HLF: variants seen among roughly 807,000 people sequenced by gnomAD.
HLF encodes hepatic leukemia factor.
In HLF, 3 loss-of-function variants were observed where a neutral mutation model predicts 22.6. The observed-to-expected ratio is 0.13, with a 90% CI of 0.06 to 0.34. HLF has a LOEUF of 0.34. Ranked by LOEUF, HLF falls within the 10% of genes least tolerant of loss-of-function variation. The pLI is 1.00. For synonymous variants in HLF, 151 were observed against 151.8 expected, an observed-to-expected ratio of 0.99 and a Z score of 0.04; for missense variants, 299 against 389.2, an observed-to-expected ratio of 0.77 and a Z score of 1.95.
intron 2 of HLF, among the ~76,000 whole-genome samples, chr17:55,285,281 G>A (rs1373700935): frequency 6.6e-6 from 1 of 152,144 alleles, no homozygotes; most frequent in Non-Finnish European, 1.5e-5. Flanking sequence ...TGGATCCCAG[G>A]TATATCCAAA....
intron 2 of HLF, chr17:55,271,407 C>G (rs978010957): frequency 2.6e-5 from 4 of 152,178 alleles, no homozygotes; most frequent in African/African-American, 9.7e-5. Context: ...GTTAGTGCTT[C>G]TTGTTTGGTT....
At chr17:55,277,849 G>C (rs1354795036) in intron 2 of HLF, among the ~76,000 whole-genome samples, 2 of 152,152 alleles carry the variant, frequency 1.3e-5, no homozygotes, top group South Asian at 2.1e-4. Flanking sequence ...TGTCTGCTGG[G>C]GGAGAAACTA....
Position 55,320,526 on chromosome 17 carries a change from A to G in HLF, c.673-138A>G, listed in dbSNP as rs1297849858. On this transcript the variant is annotated intron_variant, in intron 3 of 3. Coordinates refer to ENST00000226067, the MANE Select transcript of HLF (RefSeq NM_002126.5). The surrounding 1 kb of genome is among the most constrained non-coding windows in gnomAD (Gnocchi z 4.2). Reference sequence around the variant, plus strand: ...ACACTCTCAGACATGCAGAAACTGTAAAGGAAGGAGACACAAGCTAAGAAA... The same window carrying G: ...ACACTCTCAGACATGCAGAAACTGTGAAGGAAGGAGACACAAGCTAAGAAA... 3 of 671,322 alleles carry G rather than the reference A, an allele frequency of 4.5e-6. No homozygotes were observed. The African/African-American group carries it at 5.5e-5, about 12-fold the overall frequency. The allele number at this position is 671,322 out of a possible 1,614,324, so 41.6% of individuals were successfully genotyped here. A position where few individuals can be genotyped will look rare whatever the true frequency, so the allele number is the denominator to read the frequency against.
At chr17:55,275,558 A>C (rs1391321313) in intron 2 of HLF, among the ~76,000 whole-genome samples, 1 of 152,250 alleles carries the variant, frequency 6.6e-6, no homozygotes, top group East Asian at 1.9e-4. Flanking sequence ...ATGGTGTTTC[A>C]GAAGGAGAAG....
At position 55,307,806 on chromosome 17, in the gene HLF, C is replaced by A. The variant is rs551276135; in HGVS notation, c.452-7421C>A. 2.1e-5 allele frequency among the ~76,000 whole-genome samples: 3 copies of A among 141,264 alleles called. No homozygotes were observed. In the East Asian group the frequency reaches 6.3e-4, roughly 30 times the overall value. The allele number at this position is 141,264 out of a possible 152,430, so 92.7% of individuals were successfully genotyped here. The stretch of plus-strand genomic sequence containing the variant: ...GCAATATCAAACAAATAAAAAAGAT[C>A]GTTTGGGATGGAGATAAATATTGTA... On this transcript the variant is annotated intron_variant, in intron 2 of 3. Transcript: ENST00000226067.
Position 55,267,842 on chromosome 17 carries a change from A to G in HLF, c.207A>G (p.Leu69=), listed in dbSNP as rs766159669. ...AGTCGGCATTCCTGGGGCCTACCTT[A>G]TGGGACAAAACCCTTCCCTATGACG... is the stretch of plus-strand genomic sequence containing the variant. The part of the protein sequence containing the change: ...VPQSAFLGPT[L]WDKTLPYDGD... Residue 69 remains leucine (L), a synonymous_variant, in exon 2 of 4, where the codon TTA becomes TTG. Coordinates refer to ENST00000226067, the MANE Select transcript of HLF (RefSeq NM_002126.5). 1 of 1,614,068 alleles carries G rather than the reference A, an allele frequency of 6.2e-7. No homozygotes were observed. Among genetic ancestry groups the G allele is most frequent in the Admixed American group, 1.7e-5 (1 of 60,010 alleles).
chr17:55,301,110 A>G (rs895008788), intron 2 of HLF, among the ~76,000 whole-genome samples: 4 of 152,214 alleles, frequency 2.6e-5, no homozygotes, highest in Non-Finnish European at 5.9e-5. Flanking sequence ...CCTCTGAGGG[A>G]CATTTCCTGT....
At chr17:55,314,066 G>A (rs187863331) in intron 2 of HLF, among the ~76,000 whole-genome samples, 1 of 152,268 alleles carries the variant, frequency 6.6e-6, no homozygotes, top group African/African-American at 2.4e-5. Flanking sequence ...AAACACAGCT[G>A]AACGACATCC....
chr17:55,301,497 G>A (rs1319171190), intron 2 of HLF, among the ~76,000 whole-genome samples: 1 of 152,252 alleles, frequency 6.6e-6, no homozygotes, highest in Admixed American at 6.5e-5. Context: ...CATTGTGAGA[G>A]AAGTTAGGAG....
chr17:55,300,401 T>A (rs2081146684), intron 2 of HLF, among the ~76,000 whole-genome samples: 1 of 152,232 alleles, frequency 6.6e-6, no homozygotes, highest in South Asian at 2.1e-4. Flanking sequence ...CCTGGGGAGA[T>A]AATCAGATTA....
At chr17:55,303,879 A>T (rs1904416755) in intron 2 of HLF, among the ~76,000 whole-genome samples, 1 of 152,166 alleles carries the variant, frequency 6.6e-6, no homozygotes, top group South Asian at 2.1e-4. Context: ...GGTCCCAAAC[A>T]ATTTTAGCCA....
chr17:55,296,601 G>A (rs138223943), intron 2 of HLF, among the ~76,000 whole-genome samples: 32 of 152,034 alleles, frequency 2.1e-4, no homozygotes, highest in African/African-American at 7.2e-4. Context: ...TAGATCTGCC[G>A]GCTGCATAGA....
chr17:55,313,654 G>C (rs553268663), intron 2 of HLF, among the ~76,000 whole-genome samples: 1 of 152,162 alleles, frequency 6.6e-6, no homozygotes, highest in Non-Finnish European at 1.5e-5. Flanking sequence ...AATCACAGGT[G>C]GTTCATTTTC....
chr17:55,281,612 A>G (rs983822830), intron 2 of HLF, among the ~76,000 whole-genome samples: 2 of 152,218 alleles, frequency 1.3e-5, no homozygotes, highest in Non-Finnish European at 1.5e-5. Flanking sequence ...TAAATTCAGT[A>G]TGAAATCATA....
intron 2 of HLF, among the ~76,000 whole-genome samples, chr17:55,308,133 T>G (rs1904666776): frequency 6.6e-6 from 1 of 152,188 alleles, no homozygotes; most frequent in African/African-American, 2.4e-5. Flanking sequence ...GAGGGTTTGA[T>G]ATGGAGATGT....
At chr17:55,273,293 T>A (rs1310261511) in intron 2 of HLF, among the ~76,000 whole-genome samples, 1 of 152,162 alleles carries the variant, frequency 6.6e-6, no homozygotes, top group Non-Finnish European at 1.5e-5. Context: ...CAGGGTTAAA[T>A]AAGATCGCAT....
chr17:55,321,452 C>T lies in HLF; in HGVS notation c.*573C>T, dbSNP rs180907179. 8.6e-6 allele frequency: 2 copies of T among 231,618 alleles called. No individual in the cohort carries two copies. Among genetic ancestry groups the T allele is most frequent in the Admixed American group, 5.6e-5 (1 of 17,748 alleles). The allele number at this position is 231,618 out of a possible 1,614,324, so 14.3% of individuals were successfully genotyped here. A position where few individuals can be genotyped will look rare whatever the true frequency, so the allele number is the denominator to read the frequency against. On this transcript the variant is annotated 3_prime_UTR_variant, in exon 4 of 4. Coordinates refer to ENST00000226067, the MANE Select transcript of HLF (RefSeq NM_002126.5). ...TCTTACTTTCAGTTTTGGTGATAATCGTCTTCAAATTAAAGTGCTGTTTAG... is the reference window on the plus strand; with the variant it reads ...TCTTACTTTCAGTTTTGGTGATAATTGTCTTCAAATTAAAGTGCTGTTTAG...
intron 3 of HLF, among the ~76,000 whole-genome samples, chr17:55,315,723 T>C (rs552130709): frequency 6.6e-6 from 1 of 152,338 alleles, no homozygotes; most frequent in Admixed American, 6.5e-5. Context: ...TGCTCCTATC[T>C]GCATGGAAAC....
chr17:55,281,244 T>G (rs764613774), intron 2 of HLF, among the ~76,000 whole-genome samples: 64 of 152,338 alleles, frequency 4.2e-4, no homozygotes, highest in Non-Finnish European at 7.9e-4. Context: ...CCAGGCGCAG[T>G]GGCTCATGCC....
Sources: gnomAD v4.1 joint callset for allele counts (sites outside exome capture counted in the v4.1 genomes callset) on GRCh38, gnomAD v4.1.1 for gene constraint, Gnocchi (gnomAD v3.1) non-coding constraint, MANE v1.5 for transcripts, NCBI Gene and HGNC (gene_info 2026-07-23, HGNC 2026-07-21) for gene names.